The following KCNQ3 variants were observed in gnomAD, a reference collection of about 807,000 sequenced individuals.
KCNQ3 encodes the protein potassium voltage-gated channel subfamily KQT member 3.
KCNQ3 carries 30 observed loss-of-function variants against 92.5 expected under a neutral mutation model. The observed-to-expected ratio is 0.32, with a 90% CI of 0.24 to 0.44. The LOEUF is 0.44. Ranked by LOEUF, KCNQ3 falls within the 20% of genes least tolerant of loss-of-function variation. The pLI is 1.00. For synonymous variants in KCNQ3, 450 were observed against 468.8 expected (o/e 0.96, Z 0.52); for missense variants, 913 against 1,140.3 (o/e 0.80, Z 2.87).
chr8:132,465,832 A>G lies in KCNQ3; in HGVS notation c.386+14315T>C, dbSNP rs140312122. ...AGGCTGAGGCGGGAGGACTGCTTTG[A>G]GCCCAGGAGGTCGAGGCTGTGGTGG... On this transcript the variant is annotated intron_variant, in intron 1 of 14. Transcript: ENST00000388996. Among the ~76,000 whole-genome samples, 1,269 of 152,270 alleles carry G rather than the reference A, an allele frequency of 8.3e-3. 11 individuals are homozygous for G. The highest frequency in any genetic ancestry group is 0.017 in the Middle Eastern group (5 of 294).
intron 1 of KCNQ3, among the ~76,000 whole-genome samples, chr8:132,215,216 A>G (rs1383350037): frequency 6.6e-6 from 1 of 152,230 alleles, no homozygotes; most frequent in Non-Finnish European, 1.5e-5. Flanking sequence ...ACTTAATTCC[A>G]TCACCTGAAA....
chr8:132,239,302 C>T (rs1221704612), intron 1 of KCNQ3, among the ~76,000 whole-genome samples: 1 of 152,166 alleles, frequency 6.6e-6, no homozygotes, highest in Non-Finnish European at 1.5e-5. Context: ...TGGCAAATTG[C>T]TAAATCCAAG....
chr8:132,391,067 T>C (rs1820036145), intron 1 of KCNQ3, among the ~76,000 whole-genome samples: 1 of 152,226 alleles, frequency 6.6e-6, no homozygotes, highest in African/African-American at 2.4e-5. Context: ...AAGTGGATAT[T>C]ACCACTTGGA....
chr8:132,442,517 A>G (rs903212209), intron 1 of KCNQ3, among the ~76,000 whole-genome samples: 5 of 152,192 alleles, frequency 3.3e-5, no homozygotes, highest in African/African-American at 1.2e-4. Context: ...GCAACGAGTA[A>G]GGGCTAAAAT....
chr8:132,477,849 C>A (rs977776979), intron 1 of KCNQ3, among the ~76,000 whole-genome samples: 111 of 152,190 alleles, frequency 7.3e-4, no homozygotes, highest in African/African-American at 2.5e-3. Flanking sequence ...GCAAAATACC[C>A]AGGGTCCCAC....
intron 1 of KCNQ3, among the ~76,000 whole-genome samples, chr8:132,413,664 G>A (rs546121442): frequency 5.9e-5 from 9 of 152,174 alleles, no homozygotes; most frequent in African/African-American, 4.8e-5. Context: ...GTTAAAAAAC[G>A]TTGTCAGACG....
chr8:132,318,926 T>C (rs1231433895), intron 1 of KCNQ3, among the ~76,000 whole-genome samples: 1 of 152,184 alleles, frequency 6.6e-6, no homozygotes, highest in Non-Finnish European at 1.5e-5. Flanking sequence ...GGAATGTTAG[T>C]GCAGGAAGCT....
chr8:132,437,595 G>A (rs1025682817), intron 1 of KCNQ3, among the ~76,000 whole-genome samples: 8 of 152,158 alleles, frequency 5.3e-5, no homozygotes, highest in African/African-American at 1.9e-4. Context: ...TACTCGTTTG[G>A]TGAAACCATT....
At position 132,480,682 on chromosome 8, in the gene KCNQ3, A is replaced by AC; in HGVS notation, c.-151_-150insG. On this transcript the variant is annotated 5_prime_UTR_variant, in exon 1 of 15. Transcript: ENST00000388996. ...CGCGCCCCTCCCCACCCCCCCCCAAAAGCAGGCAAAGGCGGGCCCCCTGGG... is the reference window on the plus strand; with the variant it reads ...CGCGCCCCTCCCCACCCCCCCCCAAACAGCAGGCAAAGGCGGGCCCCCTGGG... 6 of 611,650 alleles carry AC rather than the reference A, an allele frequency of 9.8e-6. No homozygotes were observed. The highest frequency in any genetic ancestry group is 1.2e-5 in the Non-Finnish European group (6 of 500,110). 37.9% of individuals were successfully genotyped at this position (611,650 alleles called of 1,614,324 possible). A position where few individuals can be genotyped will look rare whatever the true frequency, so the allele number is the denominator to read the frequency against.
intron 9 of KCNQ3, among the ~76,000 whole-genome samples, chr8:132,157,719 G>T (rs1825847578): frequency 6.6e-6 from 1 of 152,016 alleles, no homozygotes; most frequent in Admixed American, 6.5e-5. Flanking sequence ...GTGCAGGTTT[G>T]TTCCATAGGT....
In KCNQ3 at chr8:132,300,903, C is replaced by T. The variant is rs77026831; in HGVS notation, c.387-114722G>A. On this transcript the variant is annotated intron_variant, in intron 1 of 14. Transcript: ENST00000388996. The stretch of plus-strand genomic sequence containing the variant: ...ATGATGAATGAGCAGTTTGTCATGC[C>T]GAAAGCAATTACGAGGGTTCACTAG... 2.3e-3 allele frequency among the ~76,000 whole-genome samples: 350 copies of T among 152,024 alleles called. 4 individuals carry two copies. The East Asian group carries it at 0.035, about 15-fold the overall frequency.
intron 1 of KCNQ3, among the ~76,000 whole-genome samples, chr8:132,292,958 T>C (rs1816901692): frequency 6.6e-6 from 1 of 151,970 alleles, no homozygotes; most frequent in African/African-American, 2.4e-5. Flanking sequence ...ATTATGCGCT[T>C]TTTGTCCAAT....
rs761199914 is a variant in KCNQ3 at position 132,480,609 on chromosome 8, AGGC to A, written c.-80_-78del. On this transcript the variant is annotated 5_prime_UTR_variant, in exon 1 of 15. Transcript: ENST00000388996. ...AAGGGGCGCTCGGGGTGCGTGAACG[AGGC>A]GGCGGCGGCGGCTGCAAGCCCGGGA... is the stretch of plus-strand genomic sequence containing the variant. The A allele has an allele frequency of 5.0e-4, 598 of 1,198,540 alleles. No individual in the cohort carries two copies. Among genetic ancestry groups the A allele is most frequent in the South Asian group, 2.9e-3 (176 of 59,676 alleles). The allele number at this position is 1,198,540 out of a possible 1,614,324, so 74.2% of individuals were successfully genotyped here.
At chr8:132,244,348 C>CT (rs1044485352) in intron 1 of KCNQ3, among the ~76,000 whole-genome samples, 1 of 149,298 alleles carries the variant, frequency 6.7e-6, no homozygotes, top group African/African-American at 2.5e-5. Flanking sequence ...AGGTCTTGCT[C>CT]TTTTTTTAAG....
chr8:132,164,033 A>T (rs919396832), intron 8 of KCNQ3, among the ~76,000 whole-genome samples: 4 of 152,170 alleles, frequency 2.6e-5, no homozygotes, highest in African/African-American at 9.7e-5. Context: ...GGAGGCAGCA[A>T]AGTCAGGATC....
intron 1 of KCNQ3, among the ~76,000 whole-genome samples, chr8:132,372,773 C>CAAA (rs60597689): frequency 9.6e-6 from 1 of 104,080 alleles, no homozygotes; most frequent in Non-Finnish European, 1.9e-5. Flanking sequence ...AAAAAAAAAA[C>CAAA]AAAAAAAAAA....
At chr8:132,202,427 C>T (rs1029344997) in intron 1 of KCNQ3, among the ~76,000 whole-genome samples, 4 of 152,152 alleles carry the variant, frequency 2.6e-5, no homozygotes, top group African/African-American at 7.2e-5. Flanking sequence ...GAGCTTCCTA[C>T]ATCTTTCAAT....
intron 1 of KCNQ3, among the ~76,000 whole-genome samples, chr8:132,234,109 T>G (rs1814727117): frequency 6.6e-6 from 1 of 152,120 alleles, no homozygotes; most frequent in African/African-American, 2.4e-5. Flanking sequence ...ATGTCTGTAG[T>G]TTTTTTGCAA....
At chr8:132,309,904 G>A (rs571652219) in intron 1 of KCNQ3, among the ~76,000 whole-genome samples, 26 of 152,214 alleles carry the variant, frequency 1.7e-4, no homozygotes, top group South Asian at 8.3e-4. Flanking sequence ...CAGATACCCC[G>A]TCACCATCTT....
Sources: allele counts gnomAD v4.1 joint callset (sites outside exome capture counted in the v4.1 genomes callset), GRCh38; gene constraint gnomAD v4.1.1; transcripts MANE v1.5; gene names NCBI Gene and HGNC (gene_info 2026-07-23, HGNC 2026-07-21).